ATF7IP2: variants seen among roughly 807,000 people sequenced by gnomAD.
ATF7IP2 encodes the protein activating transcription factor 7 interacting protein 2.
In ATF7IP2, 42 loss-of-function variants were observed where a neutral mutation model predicts 64.2. The ratio of observed to expected loss-of-function variants is 0.65; its 90% CI spans 0.51 to 0.85. The LOEUF is 0.85. Ranked by LOEUF, ATF7IP2 falls within the 40% of genes least tolerant of loss-of-function variation. ATF7IP2 has a pLI of 0.00. For synonymous variants in ATF7IP2, 308 were observed against 272.8 expected (o/e 1.13, Z -1.27); for missense variants, 933 against 784.2 (o/e 1.19, Z -2.27).
At chr16:10,456,191 G>A (rs2049160015) in intron 8 of ATF7IP2, among the ~76,000 whole-genome samples, 1 of 151,226 alleles carries the variant, frequency 6.6e-6, no homozygotes, top group Admixed American at 6.6e-5. Flanking sequence ...TTTTCACAAT[G>A]TGAGAAAAAA....
intron 3 of ATF7IP2, among the ~76,000 whole-genome samples, chr16:10,420,204 T>C (rs550010498): frequency 2.6e-5 from 4 of 152,316 alleles, no homozygotes; most frequent in Non-Finnish European, 4.4e-5. Context: ...TCCATTTTAA[T>C]AGATGCTGGA....
intron 6 of ATF7IP2, 77 bp downstream of exon 6, chr16:10,433,726 C>G: frequency 6.6e-7 from 1 of 1,511,122 alleles, no homozygotes; most frequent in South Asian, 1.1e-5. Context: ...CTGGTCCCCA[C>G]AGTGGCATAA....
rs151311838 is a variant in ATF7IP2, at chr16:10,465,043, T to C, written c.1353-7067T>C. Among the ~76,000 whole-genome samples, 644 of 152,346 alleles carry C rather than the reference T, an allele frequency of 4.2e-3. 2 individuals are homozygous for C. Among genetic ancestry groups the C allele is most frequent in the African/African-American group, 0.015 (621 of 41,578 alleles). ...AGGGGTTTCGCCATGTTAGTCAGGCTGCTCTCAAACTCGTCACCTCAGGTG... is the reference window on the plus strand; with the variant it reads ...AGGGGTTTCGCCATGTTAGTCAGGCCGCTCTCAAACTCGTCACCTCAGGTG... On this transcript the variant is annotated intron_variant, in intron 9 of 13. Coordinates refer to ENST00000562102, the MANE Select transcript of ATF7IP2 (RefSeq NM_001393719.1).
chr16:10,442,468 A>G (rs144033988), intron 8 of ATF7IP2, among the ~76,000 whole-genome samples: 163 of 152,330 alleles, frequency 1.1e-3, no homozygotes, highest in Middle Eastern at 3.4e-3. Flanking sequence ...CCATGAATAG[A>G]AGGTATGATA....
At chr16:10,426,513 C>A (rs559667194) in intron 3 of ATF7IP2, among the ~76,000 whole-genome samples, 1 of 152,266 alleles carries the variant, frequency 6.6e-6, no homozygotes, top group South Asian at 2.1e-4. Flanking sequence ...ATGTTAATGA[C>A]CATTTAGTTC....
intron 12 of ATF7IP2, among the ~76,000 whole-genome samples, chr16:10,474,695 C>T (rs1214683682): frequency 1.3e-5 from 2 of 152,136 alleles, no homozygotes; most frequent in East Asian, 3.8e-4. Flanking sequence ...GTTTAAAAAA[C>T]TCCAGGATAA....
rs2048324867 is a variant in ATF7IP2 at position 10,433,552 on chromosome 16, C to T, written c.863C>T (p.Ser288Leu). The T allele has an allele frequency of 1.2e-6, 2 of 1,612,938 alleles. No individual in the cohort carries two copies. The highest frequency in any genetic ancestry group is 1.7e-6 in the Non-Finnish European group (2 of 1,179,032). The change falls in exon 6 of 14, where the codon TCA becomes TTA. Residue 288 changes from serine (S) to leucine (L), a missense_variant. Coordinates refer to ENST00000562102, the MANE Select transcript of ATF7IP2 (RefSeq NM_001393719.1). The stretch of plus-strand genomic sequence containing the variant: ...CATTATCAAAAGAAGAGGATGTTTT[C>T]AGAAAACGAGGAAAATGTTAAACGC... ...NSHYQKKRMF[S>L]ENEENVKRMK...
chr16:10,408,799 C>T (rs2047693515), intron 1 of ATF7IP2, among the ~76,000 whole-genome samples: 1 of 152,232 alleles, frequency 6.6e-6, no homozygotes, highest in African/African-American at 2.4e-5. Flanking sequence ...TATCTGCTTA[C>T]TCTGCTGACT....
chr16:10,455,482 T>G (rs1035895491), intron 8 of ATF7IP2, among the ~76,000 whole-genome samples: 5 of 152,206 alleles, frequency 3.3e-5, no homozygotes, highest in Admixed American at 1.3e-4. Context: ...ATAAAATAAG[T>G]CATGCAGTTT....
rs2047440760 is a variant in ATF7IP2, at chr16:10,397,400, T to C, written c.-242+11278T>C. 2.0e-5 allele frequency among the ~76,000 whole-genome samples: 3 copies of C among 152,368 alleles called. No individual in the cohort carries two copies. In the South Asian group the frequency reaches 6.2e-4, roughly 32 times the overall value. On this transcript the variant is annotated intron_variant, in intron 1 of 13. Transcript: ENST00000562102. ...CATTGGAATTGTTATAGGGATTGCA[T>C]TGTCTCTATAAAGTGTTCTGGGTAG...
At chr16:10,407,841 T>C (rs551479504) in intron 1 of ATF7IP2, among the ~76,000 whole-genome samples, 1 of 152,204 alleles carries the variant, frequency 6.6e-6, no homozygotes, top group South Asian at 2.1e-4. Flanking sequence ...GCCTTTACAT[T>C]CTCATAGCTT....
At chr16:10,401,452 G>A (rs762660630) in intron 1 of ATF7IP2, among the ~76,000 whole-genome samples, 4 of 152,186 alleles carry the variant, frequency 2.6e-5, no homozygotes, top group Non-Finnish European at 5.9e-5. Flanking sequence ...ACAGGCGTGA[G>A]CCACTGTGCT....
chr16:10,469,644 G>T (rs908539093), intron 9 of ATF7IP2, among the ~76,000 whole-genome samples: 1 of 151,982 alleles, frequency 6.6e-6, no homozygotes, highest in Non-Finnish European at 1.5e-5. Flanking sequence ...GCATTGTGGC[G>T]CATGCCTGTA....
At chr16:10,452,837 G>A (rs557477519) in intron 8 of ATF7IP2, among the ~76,000 whole-genome samples, 19 of 152,326 alleles carry the variant, frequency 1.2e-4, no homozygotes, top group African/African-American at 4.6e-4. Context: ...CCGAGCTGCA[G>A]TGGGCTCGGC....
intron 8 of ATF7IP2, among the ~76,000 whole-genome samples, chr16:10,451,317 A>G (rs919178132): frequency 3.9e-5 from 6 of 152,090 alleles, no homozygotes; most frequent in Non-Finnish European, 7.3e-5. Flanking sequence ...CTCCAGGAGT[A>G]TCTTTGTGGT....
chr16:10,419,101 A>G (rs1350236975), intron 2 of ATF7IP2, among the ~76,000 whole-genome samples: 2 of 152,228 alleles, frequency 1.3e-5, no homozygotes, highest in Non-Finnish European at 2.9e-5. Context: ...GCCAGGTCCA[A>G]TTCTGTTTAC....
At chr16:10,403,913 A>C (rs1202365650) in intron 1 of ATF7IP2, among the ~76,000 whole-genome samples, 1 of 152,240 alleles carries the variant, frequency 6.6e-6, no homozygotes. Context: ...ATAAGACTGA[A>C]GAAGGCCTTT....
intron 1 of ATF7IP2, among the ~76,000 whole-genome samples, chr16:10,393,193 C>T (rs996994694): frequency 4.0e-5 from 6 of 151,556 alleles, no homozygotes; most frequent in African/African-American, 4.9e-5. Flanking sequence ...ACCTGTAATC[C>T]CAGCTACTTG....
At position 10,482,021 on chromosome 16, in the gene ATF7IP2, T is replaced by C. The variant is rs751554468; in HGVS notation, c.1821T>C (p.Pro607=). ...NITKINPKCA[P]VESYHLFLCH... is the part of the protein sequence containing the mutation. Reference sequence around the variant, plus strand: ...CCAAAATCAATCCCAAGTGTGCTCCTGTAGAAAGCTACCACCTCTTCCTGT... The same window carrying C: ...CCAAAATCAATCCCAAGTGTGCTCCCGTAGAAAGCTACCACCTCTTCCTGT... Residue 607 remains proline, a synonymous_variant, in exon 14 of 14, where the codon CCT becomes CCC. Transcript: ENST00000562102. 11 of 1,613,906 alleles carry C rather than the reference T, an allele frequency of 6.8e-6. No homozygotes were observed. In the Admixed American group the frequency reaches 1.5e-4, roughly 22 times the overall value.
Sources: gnomAD v4.1 joint callset for allele counts (sites outside exome capture counted in the v4.1 genomes callset) on GRCh38, gnomAD v4.1.1 for gene constraint, MANE v1.5 for transcripts, NCBI Gene and HGNC (gene_info 2026-07-23, HGNC 2026-07-21) for gene names.